Variants in DPYSL2 observed in about 807,000 individuals in gnomAD.
DPYSL2 encodes the protein dihydropyrimidinase-related protein 2.
Under a neutral mutation model 69.9 loss-of-function variants are expected in DPYSL2, and 13 were observed. That is an observed-to-expected ratio of 0.19 (90% CI 0.12 to 0.30). The LOEUF is 0.30. Ranked by LOEUF, DPYSL2 falls within the 10% of genes least tolerant of loss-of-function variation. The pLI, the probability that DPYSL2 is intolerant of heterozygous loss-of-function variation, is 1.00. For missense variants in DPYSL2, 587 were observed against 918.9 expected (o/e 0.64, Z 4.67); for synonymous variants, 326 against 359.1 (o/e 0.91, Z 1.04).
At chr8:26,518,425 A>G (rs946966841) in intron 1 of DPYSL2, among the ~76,000 whole-genome samples, 1 of 152,178 alleles carries the variant, frequency 6.6e-6, no homozygotes, top group African/African-American at 2.4e-5. Context: ...TGGTTATTGA[A>G]CTAATCATAT....
intron 1 of DPYSL2, among the ~76,000 whole-genome samples, chr8:26,551,213 T>C (rs1384299145): frequency 6.6e-6 from 1 of 152,214 alleles, no homozygotes; most frequent in Non-Finnish European, 1.5e-5. Context: ...TATCTTTTAA[T>C]CCAGTCAAGT....
intron 7 of DPYSL2, among the ~76,000 whole-genome samples, chr8:26,633,288 T>G (rs552344277): frequency 6.6e-6 from 1 of 152,320 alleles, no homozygotes; most frequent in East Asian, 1.9e-4. Flanking sequence ...AGAGCCCTTT[T>G]GCTGGGATGG....
Position 26,627,994 on chromosome 8 carries a change from G to T in DPYSL2, c.1005+54G>T. 6.4e-7 allele frequency: 1 copy of T among 1,561,088 alleles called. No homozygotes were observed. Among genetic ancestry groups the T allele is most frequent in the Non-Finnish European group, 8.7e-7 (1 of 1,144,944 alleles). ...ATCAGTGTCCCTTGGGCACTGTGCA[G>T]AGCCTCAGGGAACCTGCTTCCTGCC... On this transcript the variant is annotated intron_variant, in intron 7 of 13. Transcript: ENST00000521913. The surrounding 1 kb of genome is among the most constrained non-coding windows in gnomAD (Gnocchi z 6.9).
chr8:26,567,117 T>TATCC (rs1469616130), intron 1 of DPYSL2, among the ~76,000 whole-genome samples: 1 of 144,520 alleles, frequency 6.9e-6, no homozygotes, highest in African/African-American at 2.6e-5. Context: ...CCCATCCACT[T>TATCC]ATCCATCCAT....
chr8:26,621,018 T>G lies in DPYSL2; in HGVS notation c.629-3125T>G, dbSNP rs1802469345. Among the ~76,000 whole-genome samples the G allele has an allele frequency of 6.6e-6, 1 of 152,232 alleles. No homozygotes were observed. Among genetic ancestry groups the G allele is most frequent in the Non-Finnish European group, 1.5e-5 (1 of 68,040 alleles). On this transcript the variant is annotated intron_variant, in intron 3 of 13. Coordinates refer to ENST00000521913, the MANE Select transcript of DPYSL2 (RefSeq NM_001197293.3). This position sits in a 1 kb window ranked among gnomAD's most constrained non-coding sequence, Gnocchi z 4.9. ...ATACATACATGCCTCTTTCCTGATT[T>G]TATTTTACCATTATTTTTCTTCCGC...
chr8:26,556,907 A>G (rs1430542247), intron 1 of DPYSL2, among the ~76,000 whole-genome samples: 1 of 152,198 alleles, frequency 6.6e-6, no homozygotes, highest in African/African-American at 2.4e-5. Context: ...CAGAGAGCCC[A>G]GAAGGGGACC....
intron 1 of DPYSL2, among the ~76,000 whole-genome samples, chr8:26,532,574 T>A (rs1800528417): frequency 6.6e-6 from 1 of 152,202 alleles, no homozygotes; most frequent in Admixed American, 6.5e-5. Context: ...GCTTTCTATC[T>A]GTATGGATTT....
rs1802716827 is a variant in DPYSL2 at position 26,629,786 on chromosome 8, G to A, written c.1005+1846G>A. Among the ~76,000 whole-genome samples the A allele has an allele frequency of 2.6e-5, 4 of 151,962 alleles. No homozygotes were observed. The South Asian group carries it at 8.4e-4, about 32-fold the overall frequency. On this transcript the variant is annotated intron_variant, in intron 7 of 13. Coordinates refer to ENST00000521913, the MANE Select transcript of DPYSL2 (RefSeq NM_001197293.3). ...TTTTTTTCCTTTTTCTGGAGAACGGGGTCTCACTATATTGCCCAGGCAGGT... is the reference window on the plus strand; with the variant it reads ...TTTTTTTCCTTTTTCTGGAGAACGGAGTCTCACTATATTGCCCAGGCAGGT...
intron 8 of DPYSL2, among the ~76,000 whole-genome samples, chr8:26,636,374 A>G (rs117120640): frequency 2.0e-5 from 3 of 152,212 alleles, no homozygotes; most frequent in Non-Finnish European, 2.9e-5. Context: ...GATGGTTGGC[A>G]TAGTGTCTGA....
Position 26,624,449 on chromosome 8 carries a change from C to A in DPYSL2, c.793+142C>A. The A allele has an allele frequency of 9.5e-7, 1 of 1,057,496 alleles. No homozygotes were observed. The allele number at this position is 1,057,496 out of a possible 1,614,324, so 65.5% of individuals were successfully genotyped here. A position where few individuals can be genotyped will look rare whatever the true frequency, so the allele number is the denominator to read the frequency against. ...GCCTGCCCCTGGGAAGGAGAGAGGGCTTTGGGCCGCAGCTTATGCTGTTTG... is the reference window on the plus strand; with the variant it reads ...GCCTGCCCCTGGGAAGGAGAGAGGGATTTGGGCCGCAGCTTATGCTGTTTG... On this transcript the variant is annotated intron_variant, in intron 4 of 13. Transcript: ENST00000521913. The surrounding 1 kb of genome is among the most constrained non-coding windows in gnomAD (Gnocchi z 4.7).
chr8:26,573,536 G>A (rs894107948), intron 1 of DPYSL2, among the ~76,000 whole-genome samples: 1 of 152,004 alleles, frequency 6.6e-6, no homozygotes, highest in African/African-American at 2.4e-5. Flanking sequence ...GGGCGTGGTG[G>A]TAGGCACCTG....
chr8:26,518,551 A>G (rs1808331382), intron 1 of DPYSL2, among the ~76,000 whole-genome samples: 1 of 152,186 alleles, frequency 6.6e-6, no homozygotes, highest in African/African-American at 2.4e-5. Context: ...AATCTCCAGA[A>G]CTTTTTCATC....
At chr8:26,569,148 A>G (rs1011790100) in intron 1 of DPYSL2, among the ~76,000 whole-genome samples, 2 of 152,082 alleles carry the variant, frequency 1.3e-5, no homozygotes. Flanking sequence ...CTTGAGCCCA[A>G]GAGTTCCAGA....
At position 26,571,556 on chromosome 8, in the gene DPYSL2, T is replaced by C. The variant is rs556637397; in HGVS notation, c.355-10413T>C. Among the ~76,000 whole-genome samples the C allele has an allele frequency of 2.1e-4, 32 of 152,292 alleles. No homozygotes were observed. Among genetic ancestry groups the C allele is most frequent in the Admixed American group, 1.9e-3 (29 of 15,298 alleles). ...TTGCAGGAGTTCTTCAGGAGGTGTGTGCGCTAACTGGGGATAAGAGAAAGC... is the reference window on the plus strand; with the variant it reads ...TTGCAGGAGTTCTTCAGGAGGTGTGCGCGCTAACTGGGGATAAGAGAAAGC... On this transcript the variant is annotated intron_variant, in intron 1 of 13. Transcript: ENST00000521913. This position sits in a 1 kb window ranked among gnomAD's most constrained non-coding sequence, Gnocchi z 6.1.
chr8:26,557,535 T>C (rs181587374), intron 1 of DPYSL2, among the ~76,000 whole-genome samples: 1 of 148,096 alleles, frequency 6.8e-6, no homozygotes, highest in East Asian at 2.1e-4. Context: ...TCCCAGAACT[T>C]TGGGAGCCGA....
rs1801515856 is a variant in DPYSL2 at position 26,582,676 on chromosome 8, A to G, written c.443+619A>G. On this transcript the variant is annotated intron_variant, in intron 2 of 13. Transcript: ENST00000521913. The surrounding 1 kb of genome is among the most constrained non-coding windows in gnomAD (Gnocchi z 4.1). ...GAGTTTGGGTATTTTTGGACGCCAG[A>G]GGGTTAAGGAAGCTGAGTTCATCCC... 6.6e-6 allele frequency among the ~76,000 whole-genome samples: 1 copy of G among 152,196 alleles called. No homozygotes were observed. Among genetic ancestry groups the G allele is most frequent in the South Asian group, 2.1e-4 (1 of 4,826 alleles).
intron 1 of DPYSL2, among the ~76,000 whole-genome samples, chr8:26,558,766 T>TA: frequency 6.6e-6 from 1 of 152,160 alleles, no homozygotes; most frequent in East Asian, 1.9e-4. Context: ...TAAACTGCTC[T>TA]AAAAAATAAA....
Position 26,636,434 on chromosome 8 carries a change from G to A in DPYSL2, c.1126+1534G>A, listed in dbSNP as rs6982026. The stretch of plus-strand genomic sequence containing the variant: ...ATTTTCTGTATTTTACTACTGCGCT[G>A]TACCTAGATGATGATGATACGTGAG... On this transcript the variant is annotated intron_variant, in intron 8 of 13. Coordinates refer to ENST00000521913, the MANE Select transcript of DPYSL2 (RefSeq NM_001197293.3). Among the ~76,000 whole-genome samples, 581 of 152,344 alleles carry A rather than the reference G, an allele frequency of 3.8e-3. 2 individuals are homozygous for A. Among genetic ancestry groups the A allele is most frequent in the African/African-American group, 0.013 (558 of 41,588 alleles).
In DPYSL2 at chr8:26,658,104, GT is replaced by G. The variant is rs1466358744; in HGVS notation, c.*2401del. 2 of 152,464 alleles carry G rather than the reference GT, an allele frequency of 1.3e-5. No homozygotes were observed. Among genetic ancestry groups the G allele is most frequent in the South Asian group, 2.1e-4 (1 of 4,822 alleles). 9.4% of individuals were successfully genotyped at this position (152,464 alleles called of 1,614,324 possible). A position where few individuals can be genotyped will look rare whatever the true frequency, so the allele number is the denominator to read the frequency against. On this transcript the variant is annotated 3_prime_UTR_variant, in exon 14 of 14. Coordinates refer to ENST00000521913, the MANE Select transcript of DPYSL2 (RefSeq NM_001197293.3). This position sits in a 1 kb window ranked among gnomAD's most constrained non-coding sequence, Gnocchi z 4.7. ...AATTATGGTAAAAAACAAGTCTCGTGTTTATTATTCCTTAAGAACTCTGTGT... is the reference window on the plus strand; with the variant it reads ...AATTATGGTAAAAAACAAGTCTCGTGTTATTATTCCTTAAGAACTCTGTGT...
Sources: allele counts gnomAD v4.1 joint callset (sites outside exome capture counted in the v4.1 genomes callset), GRCh38; gene constraint gnomAD v4.1.1; non-coding constraint Gnocchi (gnomAD v3.1); transcripts MANE v1.5; gene names NCBI Gene and HGNC (gene_info 2026-07-23, HGNC 2026-07-21).